The following ENOX1 variants were observed in gnomAD, a reference collection of about 807,000 sequenced individuals.
ENOX1 encodes candidate growth-related and time keeping constitutive hydroquinone (NADH) oxidase.
A neutral mutation model predicts 82.5 loss-of-function variants in ENOX1; 42 were observed. That is an observed-to-expected ratio of 0.51 (90% CI 0.40 to 0.66). The LOEUF is 0.66. Ranked by LOEUF, ENOX1 falls within the 30% of genes least tolerant of loss-of-function variation. The pLI is 0.00. For synonymous variants in ENOX1, 271 were observed against 282.2 expected (o/e 0.96, Z 0.40); for missense variants, 608 against 811.6 (o/e 0.75, Z 3.05).
chr13:43,667,217 T>G (rs1450766325), intron 2 of ENOX1, among the ~76,000 whole-genome samples: 1 of 152,152 alleles, frequency 6.6e-6, no homozygotes, highest in African/African-American at 2.4e-5. Flanking sequence ...TTATGAAAAC[T>G]CTATAGAAGT....
At chr13:43,551,088 A>G (rs1239725016) in intron 2 of ENOX1, among the ~76,000 whole-genome samples, 1 of 152,154 alleles carries the variant, frequency 6.6e-6, no homozygotes, top group African/African-American at 2.4e-5. Context: ...AAGATACACA[A>G]TCCTAAACTT....
chr13:43,243,462 C>T (rs2042936627), intron 14 of ENOX1, among the ~76,000 whole-genome samples: 1 of 152,114 alleles, frequency 6.6e-6, no homozygotes, highest in Non-Finnish European at 1.5e-5. Flanking sequence ...GTGTTTCATA[C>T]TTTGTTTTAG....
chr13:43,532,292 A>G lies in ENOX1; in HGVS notation c.-218-48140T>C, dbSNP rs535262952. On this transcript the variant is annotated intron_variant, in intron 2 of 16. Transcript: ENST00000690772. ...ACTCTTAAACTATAATGTTAATAACAATTCTGTTCCTTTGTCACTTAACAA... is the reference window on the plus strand; with the variant it reads ...ACTCTTAAACTATAATGTTAATAACGATTCTGTTCCTTTGTCACTTAACAA... Among the ~76,000 whole-genome samples the G allele has an allele frequency of 5.3e-5, 8 of 152,226 alleles. No homozygotes were observed. The South Asian group carries it at 1.0e-3, about 20-fold the overall frequency.
intron 2 of ENOX1, among the ~76,000 whole-genome samples, chr13:43,580,522 T>G (rs1329724916): frequency 1.3e-5 from 2 of 152,220 alleles, no homozygotes; most frequent in Non-Finnish European, 2.9e-5. Context: ...CACTTATTCT[T>G]CTTTCTACAG....
chr13:43,711,423 T>C (rs1195484209), intron 1 of ENOX1, among the ~76,000 whole-genome samples: 1 of 152,216 alleles, frequency 6.6e-6, no homozygotes, highest in African/African-American at 2.4e-5. Context: ...TATAATCCTT[T>C]GGGTATATAC....
chr13:43,590,424 A>C (rs1445956225), intron 2 of ENOX1, among the ~76,000 whole-genome samples: 1 of 152,318 alleles, frequency 6.6e-6, no homozygotes, highest in East Asian at 1.9e-4. Context: ...AAAGAAAATG[A>C]AGAGTTAATC....
intron 2 of ENOX1, among the ~76,000 whole-genome samples, chr13:43,647,999 C>T (rs1594251169): frequency 6.6e-6 from 1 of 152,292 alleles, no homozygotes; most frequent in South Asian, 2.1e-4. Context: ...AAGGCAAGAG[C>T]ATGGATCTCC....
At position 43,371,386 on chromosome 13, in the gene ENOX1, T is replaced by C. The variant is rs555873259; in HGVS notation, c.209-9934A>G. ...ATAAATTATAATTTCTTTCTGGCAT[T>C]CAATGCCTCCTTGCTCTATAGAACT... On this transcript the variant is annotated intron_variant, in intron 5 of 16. Coordinates refer to ENST00000690772, the MANE Select transcript of ENOX1 (RefSeq NM_001347969.2). Among the ~76,000 whole-genome samples the C allele has an allele frequency of 2.6e-5, 4 of 152,358 alleles. No homozygotes were observed. In the East Asian group the frequency reaches 7.7e-4, roughly 29 times the overall value.
intron 2 of ENOX1, among the ~76,000 whole-genome samples, chr13:43,590,481 C>T (rs1218173351): frequency 6.6e-6 from 1 of 152,064 alleles, no homozygotes; most frequent in Admixed American, 6.5e-5. Flanking sequence ...ACATAGAATA[C>T]ATTGAAAAAT....
At chr13:43,221,750 A>G (rs913707473) in intron 16 of ENOX1, among the ~76,000 whole-genome samples, 1 of 152,224 alleles carries the variant, frequency 6.6e-6, no homozygotes, top group Non-Finnish European at 1.5e-5. Flanking sequence ...ATTTAAATTA[A>G]TTCCTTCCAT....
At chr13:43,609,483 T>C (rs1018089217) in intron 2 of ENOX1, among the ~76,000 whole-genome samples, 9 of 152,350 alleles carry the variant, frequency 5.9e-5, no homozygotes, top group South Asian at 2.1e-4. Context: ...AATATACAGT[T>C]TGAGCTTTCT....
intron 3 of ENOX1, among the ~76,000 whole-genome samples, chr13:43,462,207 T>C (rs2057518565): frequency 1.3e-5 from 2 of 152,268 alleles, no homozygotes; most frequent in South Asian, 2.1e-4. Flanking sequence ...TGTGATGTTA[T>C]GTGATTATCA....
At chr13:43,557,078 G>A (rs2079473590) in intron 2 of ENOX1, among the ~76,000 whole-genome samples, 2 of 152,200 alleles carry the variant, frequency 1.3e-5, no homozygotes, top group African/African-American at 2.4e-5. Context: ...TCAGTGGTAG[G>A]TCAGGACATT....
At chr13:43,586,642 C>A (rs1449721502) in intron 2 of ENOX1, among the ~76,000 whole-genome samples, 1 of 152,188 alleles carries the variant, frequency 6.6e-6, no homozygotes, top group East Asian at 1.9e-4. Flanking sequence ...TTCTTTCCTG[C>A]CACATTAGCT....
At chr13:43,489,225 G>C (rs1037131050) in intron 2 of ENOX1, among the ~76,000 whole-genome samples, 5 of 152,114 alleles carry the variant, frequency 3.3e-5, no homozygotes, top group Admixed American at 3.3e-4. Context: ...GAATGGTTTT[G>C]AGGAAGGGGC....
intron 1 of ENOX1, among the ~76,000 whole-genome samples, chr13:43,671,744 A>G (rs2085278286): frequency 6.6e-6 from 1 of 152,116 alleles, no homozygotes; most frequent in African/African-American, 2.4e-5. Context: ...AGACATGACA[A>G]GTTGAGCTGT....
At chr13:43,670,728 A>T (rs2085220075) in intron 1 of ENOX1, among the ~76,000 whole-genome samples, 1 of 152,020 alleles carries the variant, frequency 6.6e-6, no homozygotes, top group Non-Finnish European at 1.5e-5. Context: ...CTGTAATCCC[A>T]GCTACTCAGG....
At chr13:43,730,443 G>A (rs968928620) in intron 1 of ENOX1, among the ~76,000 whole-genome samples, 37 of 152,106 alleles carry the variant, frequency 2.4e-4, no homozygotes, top group Admixed American at 6.6e-4. Flanking sequence ...ACCTACATCC[G>A]ATCACTCTCC....
chr13:43,381,666 C>T (rs956475028), intron 5 of ENOX1, among the ~76,000 whole-genome samples: 10 of 151,736 alleles, frequency 6.6e-5, no homozygotes, highest in African/African-American at 2.2e-4. Flanking sequence ...AAGATACAAA[C>T]TGCTAATATT....
Sources: allele counts gnomAD v4.1 joint callset (sites outside exome capture counted in the v4.1 genomes callset), GRCh38; gene constraint gnomAD v4.1.1; transcripts MANE v1.5; gene names NCBI Gene and HGNC (gene_info 2026-07-23, HGNC 2026-07-21).